Variants in AKAP10 observed in about 807,000 individuals in gnomAD.
The protein encoded by AKAP10 is A-kinase anchoring protein 10, also known as A-kinase anchor protein 10, mitochondrial.
A neutral mutation model predicts 80.8 loss-of-function variants in AKAP10; 24 were observed. The ratio of observed to expected loss-of-function variants is 0.30; its 90% CI spans 0.22 to 0.42. The LOEUF (loss-of-function observed/expected upper bound fraction) is 0.42. Ranked by LOEUF, AKAP10 falls within the 10% of genes least tolerant of loss-of-function variation. The pLI is 1.00. For synonymous variants in AKAP10, 291 were observed against 277.7 expected (o/e 1.05, Z -0.48); for missense variants, 661 against 794.9 (o/e 0.83, Z 2.03).
intron 10 of AKAP10, among the ~76,000 whole-genome samples, chr17:19,928,754 C>T (rs2042901676): frequency 6.6e-6 from 1 of 152,088 alleles, no homozygotes; most frequent in African/African-American, 2.4e-5. Context: ...CCTATAGTCC[C>T]AGATACTCGG....
intron 12 of AKAP10, among the ~76,000 whole-genome samples, chr17:19,912,493 C>A (rs1469238695): frequency 6.6e-6 from 1 of 152,146 alleles, no homozygotes; most frequent in African/African-American, 2.4e-5. Context: ...GCCAACATCG[C>A]ACCACTGCAC....
chr17:19,953,600 T>C (rs1189694542), intron 4 of AKAP10, among the ~76,000 whole-genome samples: 1 of 152,132 alleles, frequency 6.6e-6, no homozygotes, highest in Non-Finnish European at 1.5e-5. Context: ...GCTCATAAAT[T>C]TGACAATTCA....
intron 11 of AKAP10, among the ~76,000 whole-genome samples, chr17:19,923,903 C>T (rs568862261): frequency 9.9e-5 from 15 of 152,162 alleles, no homozygotes; most frequent in Admixed American, 7.2e-4. Flanking sequence ...AACTGGGGTA[C>T]GGATCAGGGT....
chr17:19,906,769 T>C (rs775882502), intron 14 of AKAP10, among the ~76,000 whole-genome samples: 8 of 152,106 alleles, frequency 5.3e-5, no homozygotes, highest in Non-Finnish European at 8.8e-5. Flanking sequence ...AAATGTCGAG[T>C]TGGAGGTTGA....
At chr17:19,938,418 G>A (rs893172175) in intron 8 of AKAP10, among the ~76,000 whole-genome samples, 3 of 151,484 alleles carry the variant, frequency 2.0e-5, no homozygotes, top group Admixed American at 2.0e-4. Flanking sequence ...TGTATTTTTA[G>A]TAGAGACGGG....
At chr17:19,975,452 G>A (rs1464444514) in intron 1 of AKAP10, among the ~76,000 whole-genome samples, 1 of 152,062 alleles carries the variant, frequency 6.6e-6, no homozygotes, top group Non-Finnish European at 1.5e-5. Flanking sequence ...CTTGCCTCCT[G>A]GCCTTTGAAC....
In AKAP10 at chr17:19,958,163, T is replaced by C; in HGVS notation, c.728A>G (p.Asp243Gly). ...TTCAAGACGGAGAGAATGGGCACTG[T>C]CACATTCCTGGGAAAGCAGCAAGTG... ...QNHLLLSQEC[D>G]SAHSLRLEMA... Residue 243 changes from aspartate to glycine, a missense_variant, in exon 4 of 15, where the codon GAC becomes GGC. Transcript: ENST00000225737. The C allele has an allele frequency of 6.2e-7, 1 of 1,614,182 alleles. No individual in the cohort carries two copies.
intron 12 of AKAP10, among the ~76,000 whole-genome samples, chr17:19,919,638 CA>C (rs1449578561): frequency 2.0e-5 from 3 of 150,582 alleles, no homozygotes; most frequent in Non-Finnish European, 4.4e-5. Context: ...GAGGTGCGGT[CA>C]GACCACTGCA....
At chr17:19,930,114 G>A (rs2042916935) in intron 10 of AKAP10, among the ~76,000 whole-genome samples, 1 of 151,598 alleles carries the variant, frequency 6.6e-6, no homozygotes, top group African/African-American at 2.4e-5. Context: ...AAGATACTCA[G>A]GAGAGCTTTG....
At chr17:19,913,637 T>C (rs2042715097) in intron 12 of AKAP10, among the ~76,000 whole-genome samples, 1 of 152,206 alleles carries the variant, frequency 6.6e-6, no homozygotes, top group Admixed American at 6.5e-5. Flanking sequence ...AGATACATCA[T>C]CTAAGAATTG....
Position 19,958,498 on chromosome 17 carries a change from G to A in AKAP10, c.393C>T (p.His131=), listed in dbSNP as rs367902800. ...TGAAGTAAGGGAGGACAATAGTGTC[G>A]TGCAAGACTTGTTCAAGGGTCTTAG... is the stretch of plus-strand genomic sequence containing the variant. ...SLSKTLEQVL[H]DTIVLPYFIQ... is the part of the protein sequence containing the mutation. Residue 131 remains histidine, a synonymous_variant, in exon 4 of 15, where the codon CAC becomes CAT. Transcript: ENST00000225737. 19 of 1,612,880 alleles carry A rather than the reference G, an allele frequency of 1.2e-5. No homozygotes were observed. The highest frequency in any genetic ancestry group is 6.7e-5 in the East Asian group (3 of 44,892).
rs141464899 is a variant in AKAP10, at chr17:19,906,090, T to G, written c.*137A>C. ...ATTATGGTGGAAGTCTAGGATTGTCTCCCATTCTCTCCTGGAAACAACAGT... is the reference window on the plus strand; with the variant it reads ...ATTATGGTGGAAGTCTAGGATTGTCGCCCATTCTCTCCTGGAAACAACAGT... On this transcript the variant is annotated 3_prime_UTR_variant, in exon 15 of 15. Transcript: ENST00000225737. 666 of 922,904 alleles carry G rather than the reference T, an allele frequency of 7.2e-4. 4 individuals carry two copies. In the African/African-American group the frequency reaches 9.2e-3, roughly 13 times the overall value. 57.2% of individuals were successfully genotyped at this position (922,904 alleles called of 1,614,324 possible).
At chr17:19,939,901 C>T in intron 7 of AKAP10, 52 bp from the exon 8 acceptor site, 1 of 1,557,818 alleles carries the variant, frequency 6.4e-7, no homozygotes, top group Non-Finnish European at 8.7e-7. Context: ...AGATTTCTCT[C>T]ACAATCTCTA....
chr17:19,935,978 T>G (rs2042987753), intron 9 of AKAP10: 1 of 205,268 alleles, frequency 4.9e-6, no homozygotes, highest in African/African-American at 2.3e-5. Flanking sequence ...CTTTTATCTT[T>G]TTAGTTTTTC....
At chr17:19,973,169 AG>A (rs1293153036) in intron 1 of AKAP10, among the ~76,000 whole-genome samples, 4 of 152,050 alleles carry the variant, frequency 2.6e-5, no homozygotes, top group African/African-American at 9.7e-5. Context: ...TAGTAGAGAC[AG>A]GGTTTCACCA....
chr17:19,954,651 A>ATTT (rs575010093), intron 4 of AKAP10, among the ~76,000 whole-genome samples: 4 of 140,098 alleles, frequency 2.9e-5, no homozygotes, highest in African/African-American at 7.9e-5. Flanking sequence ...CGCCCGGCTA[A>ATTT]TTTTTTTTTT....
intron 12 of AKAP10, among the ~76,000 whole-genome samples, chr17:19,915,952 C>G (rs1239086935): frequency 6.6e-6 from 1 of 152,228 alleles, no homozygotes; most frequent in Non-Finnish European, 1.5e-5. Context: ...CTGACACTTT[C>G]AAGTCCTTGC....
At chr17:19,906,310 C>T (rs1387081270) in intron 14 of AKAP10, 78 bp from the exon 15 acceptor site, 2 of 1,485,788 alleles carry the variant, frequency 1.3e-6, no homozygotes, top group African/African-American at 1.4e-5. Context: ...TAAGGATGGA[C>T]ACCAACACTT....
At chr17:19,970,106 T>C (rs1486921326) in intron 1 of AKAP10, among the ~76,000 whole-genome samples, 1 of 152,234 alleles carries the variant, frequency 6.6e-6, no homozygotes, top group African/African-American at 2.4e-5. Flanking sequence ...GCTAACCACC[T>C]ACCTGCCATC....
Sources: allele counts gnomAD v4.1 joint callset (sites outside exome capture counted in the v4.1 genomes callset), GRCh38; gene constraint gnomAD v4.1.1; transcripts MANE v1.5; gene names NCBI Gene and HGNC (gene_info 2026-07-23, HGNC 2026-07-21).